The following MAPK9 variants were observed in gnomAD, a reference collection of about 807,000 sequenced individuals.
MAPK9 encodes mitogen-activated protein kinase 9, also known as Jun kinase.
MAPK9 carries 30 observed loss-of-function variants against 57.1 expected under a neutral mutation model. The ratio of observed to expected loss-of-function variants is 0.53; its 90% CI spans 0.39 to 0.71. MAPK9 has a LOEUF of 0.71. Ranked by LOEUF, MAPK9 falls within the 30% of genes least tolerant of loss-of-function variation. The pLI, the probability that MAPK9 is intolerant of heterozygous loss-of-function variation, is 0.00. For synonymous variants in MAPK9, 155 were observed against 177.0 expected (o/e 0.88, Z 0.99); for missense variants, 362 against 521.0 (o/e 0.69, Z 2.97).
At position 180,261,834 on chromosome 5, in the gene MAPK9, A is replaced by T. The variant is rs967354690; in HGVS notation, c.312-12T>A. ...CCATAACCAAATACCTGAGGGAGAA[A>T]AGGTCAGTTATTTATTTGAAAATTA... On this transcript the variant is annotated splice_polypyrimidine_tract_variant and intron_variant, in intron 4 of 11. Transcript: ENST00000452135. The T allele has an allele frequency of 6.9e-6, 11 of 1,587,554 alleles. No homozygotes were observed. The highest frequency in any genetic ancestry group is 9.4e-6 in the Non-Finnish European group (11 of 1,169,342).
chr5:180,236,768 A>G, intron 11 of MAPK9: 1 of 380,358 alleles, frequency 2.6e-6, no homozygotes, highest in Non-Finnish European at 4.7e-6. Flanking sequence ...CTCAGTAGCT[A>G]AACATATATG....
Position 180,275,980 on chromosome 5 carries a change from CTTAAATGAGAAGTT to C in MAPK9, c.122+4446_122+4459del, listed in dbSNP as rs368787782. On this transcript the variant is annotated intron_variant, in intron 2 of 11. Coordinates refer to ENST00000452135, the MANE Select transcript of MAPK9 (RefSeq NM_002752.5). ...TTTGTACAGGTGTTCGGGCCACCAT[CTTAAATGAGAAGTT>C]CCAAACCACTCATTTTACAGGTGAA... Among the ~76,000 whole-genome samples, 125 of 152,308 alleles carry C rather than the reference CTTAAATGAGAAGTT, an allele frequency of 8.2e-4. 2 individuals carry two copies. The East Asian group carries it at 0.01, about 12-fold the overall frequency.
intron 7 of MAPK9, chr5:180,246,600 T>G (rs973765468): frequency 6.6e-5 from 10 of 152,074 alleles, no homozygotes; most frequent in Non-Finnish European, 1.5e-4. Flanking sequence ...CAAAGACTAA[T>G]GAAAAACTAA....
At chr5:180,267,520 C>G (rs1398318421) in intron 3 of MAPK9, among the ~76,000 whole-genome samples, 2 of 147,962 alleles carry the variant, frequency 1.4e-5, no homozygotes, top group African/African-American at 5.0e-5. Flanking sequence ...TGAGATCGCG[C>G]CACTGCCCTC....
In MAPK9 at chr5:180,247,888, C is replaced by T. The variant is rs201511417; in HGVS notation, c.617-378G>A. ...CCCGGGAACAGGACTTTATGGAGGA[C>T]CATTTCTGCCATGATGCACCCGACA... On this transcript the variant is annotated intron_variant, in intron 6 of 11. Coordinates refer to ENST00000452135, the MANE Select transcript of MAPK9 (RefSeq NM_002752.5). This position sits in a 1 kb window ranked among gnomAD's most constrained non-coding sequence, Gnocchi z 4.5. The T allele has an allele frequency of 1.3e-4, 210 of 1,614,120 alleles. 1 individual carries two copies. In the Middle Eastern group the frequency reaches 1.8e-3, roughly 14 times the overall value.
Position 180,234,815 on chromosome 5 carries a change from T to C in MAPK9, c.*1569A>G, listed in dbSNP as rs1318276910. The C allele has an allele frequency of 6.6e-6, 1 of 152,138 alleles. No homozygotes were observed. 9.4% of individuals were successfully genotyped at this position (152,138 alleles called of 1,614,324 possible). Reference sequence around the variant, plus strand: ...TCAAAGGTTCCAGTTTCCAGTGATATGACCAACCAATAAGATATAACTGGT... The same window carrying C: ...TCAAAGGTTCCAGTTTCCAGTGATACGACCAACCAATAAGATATAACTGGT... On this transcript the variant is annotated 3_prime_UTR_variant, in exon 12 of 12. Transcript: ENST00000452135.
chr5:180,280,921 G>A (rs772799917), intron 1 of MAPK9, among the ~76,000 whole-genome samples: 6 of 152,250 alleles, frequency 3.9e-5, no homozygotes, highest in South Asian at 4.1e-4. Context: ...CACTCTGTGC[G>A]TCTCATCAGC....
chr5:180,282,055 A>C (rs1384967016), intron 1 of MAPK9, among the ~76,000 whole-genome samples: 1 of 152,172 alleles, frequency 6.6e-6, no homozygotes, highest in Non-Finnish European at 1.5e-5. Flanking sequence ...CTGGCAGGTC[A>C]CTGTGCTCTA....
At chr5:180,258,661 G>A (rs1407764676) in intron 5 of MAPK9, among the ~76,000 whole-genome samples, 1 of 152,032 alleles carries the variant, frequency 6.6e-6, no homozygotes, top group Non-Finnish European at 1.5e-5. Context: ...TCAAAAATGG[G>A]ATAAAGGCTT....
At chr5:180,248,846 C>T in intron 6 of MAPK9, 127 bp downstream of exon 6, 2 of 829,460 alleles carry the variant, frequency 2.4e-6, no homozygotes, top group South Asian at 6.8e-5. Context: ...CTGGATCATG[C>T]TATATTCTGG....
intron 1 of MAPK9, among the ~76,000 whole-genome samples, chr5:180,287,819 C>T (rs540967830): frequency 1.4e-4 from 21 of 152,258 alleles, no homozygotes; most frequent in African/African-American, 4.8e-4. Context: ...GATTGCATTC[C>T]GAGTCTACTT....
At chr5:180,262,241 C>T (rs1025557615) in intron 4 of MAPK9, among the ~76,000 whole-genome samples, 15 of 152,088 alleles carry the variant, frequency 9.9e-5, no homozygotes, top group African/African-American at 3.4e-4. Flanking sequence ...ACCTCCCGCT[C>T]AATTTTGCTG....
At chr5:180,260,704 T>A (rs1041075915) in intron 5 of MAPK9, among the ~76,000 whole-genome samples, 3 of 152,230 alleles carry the variant, frequency 2.0e-5, no homozygotes, top group African/African-American at 7.2e-5. Context: ...TTAAAATGTA[T>A]TTCTAATAAG....
chr5:180,278,392 A>C (rs1409723780), intron 2 of MAPK9, among the ~76,000 whole-genome samples: 2 of 152,244 alleles, frequency 1.3e-5, no homozygotes, highest in Non-Finnish European at 2.9e-5. Flanking sequence ...GGGATAAATG[A>C]AGCACGTATT....
intron 5 of MAPK9, among the ~76,000 whole-genome samples, chr5:180,260,023 C>G (rs749473425): frequency 2.6e-5 from 4 of 152,170 alleles, no homozygotes; most frequent in Non-Finnish European, 5.9e-5. Flanking sequence ...TGTGATGATG[C>G]CTTTATATGT....
At chr5:180,262,318 A>C (rs1173429447) in intron 4 of MAPK9, among the ~76,000 whole-genome samples, 1 of 152,146 alleles carries the variant, frequency 6.6e-6, no homozygotes, top group East Asian at 1.9e-4. Context: ...CAAAAAGGAC[A>C]CTTGACCCCA....
In MAPK9 at chr5:180,236,273, T is replaced by C. The variant is rs1469407071; in HGVS notation, c.*111A>G. On this transcript the variant is annotated 3_prime_UTR_variant, in exon 12 of 12. Coordinates refer to ENST00000452135, the MANE Select transcript of MAPK9 (RefSeq NM_002752.5). ...TGAGTAGGGCAAGGCATTGTGTTTC[T>C]TACATGCAGAACATGGAGTTTTTCT... 2 of 1,227,600 alleles carry C rather than the reference T, an allele frequency of 1.6e-6. No homozygotes were observed. The highest frequency in any genetic ancestry group is 2.7e-5 in the Admixed American group (1 of 36,972). The allele number at this position is 1,227,600 out of a possible 1,614,324, so 76.0% of individuals were successfully genotyped here.
intron 9 of MAPK9, 32 bp from the exon 10 acceptor site, chr5:180,240,019 T>G (rs191389424): frequency 6.4e-7 from 1 of 1,562,514 alleles, no homozygotes; most frequent in African/African-American, 1.4e-5. Flanking sequence ...AAGTCAACAG[T>G]AATGCCTCAA....
In MAPK9 at chr5:180,287,802, C is replaced by T. The variant is rs186186476; in HGVS notation, c.-48+4046G>A. 7.1e-4 allele frequency among the ~76,000 whole-genome samples: 108 copies of T among 152,300 alleles called. 1 individual carries two copies. The highest frequency in any genetic ancestry group is 2.6e-4 in the Non-Finnish European group (18 of 68,024). On this transcript the variant is annotated intron_variant, in intron 1 of 11. Coordinates refer to ENST00000452135, the MANE Select transcript of MAPK9 (RefSeq NM_002752.5). ...CCATTTTTGCCACCCTCCCAGTATTCGCTTTAGATTGCATTCCGAGTCTAC... is the reference window on the plus strand; with the variant it reads ...CCATTTTTGCCACCCTCCCAGTATTTGCTTTAGATTGCATTCCGAGTCTAC...
Sources: gnomAD v4.1 joint callset for allele counts (sites outside exome capture counted in the v4.1 genomes callset) on GRCh38, gnomAD v4.1.1 for gene constraint, Gnocchi (gnomAD v3.1) non-coding constraint, MANE v1.5 for transcripts, NCBI Gene and HGNC (gene_info 2026-07-23, HGNC 2026-07-21) for gene names.